The following OR51B5 variants were observed in gnomAD, a reference collection of about 807,000 sequenced individuals.
OR51B5 encodes olfactory receptor 51B5.
For missense variants in OR51B5, 456 were observed against 374.6 expected, an observed-to-expected ratio of 1.22 and a Z score of -1.79; for synonymous variants, 186 against 144.8, an observed-to-expected ratio of 1.28 and a Z score of -2.04.
intron 1 of OR51B5, among the ~76,000 whole-genome samples, chr11:5,472,386 C>T (rs1038746497): frequency 5.3e-5 from 8 of 152,172 alleles, no homozygotes; most frequent in Admixed American, 3.3e-4. Context: ...CTTACCTCCT[C>T]AGGGTAGCTC....
intron 1 of OR51B5, among the ~76,000 whole-genome samples, chr11:5,407,812 G>C (rs1426035052): frequency 6.6e-6 from 1 of 151,478 alleles, no homozygotes; most frequent in Non-Finnish European, 1.5e-5. Context: ...CTTCAAATAA[G>C]CAAATAATTT....
At chr11:5,382,200 T>C (rs987948079) in intron 1 of OR51B5, among the ~76,000 whole-genome samples, 2 of 152,250 alleles carry the variant, frequency 1.3e-5, no homozygotes, top group East Asian at 1.9e-4. Flanking sequence ...TTAAATGTTA[T>C]ATTTGATCAC....
intron 1 of OR51B5, chr11:5,440,853 G>A (rs1227190589): frequency 6.2e-7 from 1 of 1,613,826 alleles, no homozygotes; most frequent in Non-Finnish European, 8.5e-7. Context: ...CAGGATCAAT[G>A]CGTAGGAAAG....
At chr11:5,363,466 C>T (rs1849318280) in intron 1 of OR51B5, among the ~76,000 whole-genome samples, 1 of 150,052 alleles carries the variant, frequency 6.7e-6, no homozygotes, top group Non-Finnish European at 1.5e-5. Flanking sequence ...CACTCTCTCT[C>T]TCACACAAAA....
chr11:5,396,194 A>G (rs544520963), intron 1 of OR51B5, among the ~76,000 whole-genome samples: 4 of 152,312 alleles, frequency 2.6e-5, no homozygotes, highest in African/African-American at 9.6e-5. Flanking sequence ...ACTCCTATTC[A>G]ACATAGTGTT....
At chr11:5,469,659 T>C (rs918465391) in intron 1 of OR51B5, among the ~76,000 whole-genome samples, 4 of 152,228 alleles carry the variant, frequency 2.6e-5, no homozygotes, top group South Asian at 2.1e-4. Context: ...ATAGAAACCT[T>C]TGACTAATTT....
chr11:5,428,576 A>G (rs1456955249), intron 1 of OR51B5, among the ~76,000 whole-genome samples: 2 of 113,592 alleles, frequency 1.8e-5, no homozygotes, highest in Non-Finnish European at 2.2e-5. Flanking sequence ...AGCTTTTTAT[A>G]TTAGAAAGTA....
chr11:5,364,098 T>A (rs565613008), intron 1 of OR51B5, among the ~76,000 whole-genome samples: 2 of 152,326 alleles, frequency 1.3e-5, no homozygotes, highest in South Asian at 4.1e-4. Context: ...AGGTCGATTA[T>A]AGATTCAATA....
chr11:5,383,568 CTTCT>C (rs1260254129), intron 1 of OR51B5, among the ~76,000 whole-genome samples: 4 of 152,188 alleles, frequency 2.6e-5, no homozygotes, highest in Non-Finnish European at 5.9e-5. Flanking sequence ...TATGAATTGA[CTTCT>C]TTATGAAATT....
intron 1 of OR51B5, among the ~76,000 whole-genome samples, chr11:5,471,496 C>T (rs1006290454): frequency 2.6e-5 from 4 of 151,968 alleles, no homozygotes; most frequent in African/African-American, 7.3e-5. Context: ...ACTACCCAGG[C>T]GTGGTCACAC....
chr11:5,412,700 G>A (rs1466049303), intron 1 of OR51B5, among the ~76,000 whole-genome samples: 11 of 152,170 alleles, frequency 7.2e-5, no homozygotes, highest in Non-Finnish European at 1.3e-4. Flanking sequence ...TAGCACAGCA[G>A]TCTGCGATCA....
rs770245603 is a variant in OR51B5 at position 5,440,825 on chromosome 11, G to C, written n.84+64744C>G. ...CCTTGAGCCGCTGTTCCTGGGATAT[G>C]ATGACCAGCATGGCTCTCAGGATCA... On this transcript the variant is annotated intron_variant and non_coding_transcript_variant, in intron 1 of 4. Coordinates refer to the OR51B5 transcript ENST00000415970. The C allele has an allele frequency of 2.2e-5, 36 of 1,613,740 alleles. No homozygotes were observed. The highest frequency in any genetic ancestry group is 2.5e-5 in the Non-Finnish European group (30 of 1,179,914).
At chr11:5,418,822 A>G (rs1157969433) in intron 1 of OR51B5, among the ~76,000 whole-genome samples, 1 of 149,638 alleles carries the variant, frequency 6.7e-6, no homozygotes, top group Non-Finnish European at 1.5e-5. Context: ...GCACGTGTAT[A>G]CCTATGTAAC....
chr11:5,344,392 C>CCT (rs1848957250), upstream of OR51B5, among the ~76,000 whole-genome samples: 1 of 151,580 alleles, frequency 6.6e-6, no homozygotes, highest in Non-Finnish European at 1.5e-5. Flanking sequence ...TAGAATCTGA[C>CCT]CTCTCTCATT....
chr11:5,368,991 C>G (rs1313795621), intron 1 of OR51B5, among the ~76,000 whole-genome samples: 1 of 152,116 alleles, frequency 6.6e-6, no homozygotes, highest in Non-Finnish European at 1.5e-5. Flanking sequence ...TGTCAGCCAA[C>G]TAGATGTGGA....
At chr11:5,451,045 A>G (rs1015849293) in intron 1 of OR51B5, among the ~76,000 whole-genome samples, 3 of 152,238 alleles carry the variant, frequency 2.0e-5, no homozygotes, top group Admixed American at 6.5e-5. Flanking sequence ...CTCAGTGTCC[A>G]TATCTGTTAA....
intron 1 of OR51B5, chr11:5,390,139 C>A (rs377650791): frequency 6.2e-7 from 1 of 1,613,748 alleles, no homozygotes; most frequent in African/African-American, 1.3e-5. Context: ...AGGAGCAGCG[C>A]CGTGCCTTTC....
chr11:5,492,169 C>G (rs963272930), intron 1 of OR51B5, among the ~76,000 whole-genome samples: 1 of 152,074 alleles, frequency 6.6e-6, no homozygotes, highest in Non-Finnish European at 1.5e-5. Flanking sequence ...CTCCCCAATT[C>G]CATAGCACAT....
chr11:5,473,160 T>C (rs770563268), intron 1 of OR51B5, among the ~76,000 whole-genome samples: 3 of 152,360 alleles, frequency 2.0e-5, no homozygotes, highest in Non-Finnish European at 4.4e-5. Flanking sequence ...CAGTATCACA[T>C]TGTAAACACT....
Sources: gnomAD v4.1 joint callset for allele counts (sites outside exome capture counted in the v4.1 genomes callset) on GRCh38, gnomAD v4.1.1 for gene constraint, MANE v1.5 for transcripts, NCBI Gene and HGNC (gene_info 2026-07-23, HGNC 2026-07-21) for gene names.